The following RP1 variants were observed in gnomAD, a reference collection of about 807,000 sequenced individuals.
RP1 encodes RP1 axonemal microtubule associated.
Under a neutral mutation model 14.8 loss-of-function variants are expected in RP1, and 16 were observed. That is an observed-to-expected ratio of 1.08 (90% CI 0.73 to 1.65). RP1 has a LOEUF of 1.65. Ranked by LOEUF, RP1 falls within the 40% of genes most tolerant of loss-of-function variation. RP1 has a pLI of 0.00. For synonymous variants in RP1, 876 were observed against 883.6 expected (o/e 0.99, Z 0.15); for missense variants, 2,631 against 2,535.0 (o/e 1.04, Z -0.81).
chr8:54,699,998 T>C (rs1331177890), intron 13 of RP1, among the ~76,000 whole-genome samples: 1 of 152,220 alleles, frequency 6.6e-6, no homozygotes, highest in African/African-American at 2.4e-5. Flanking sequence ...TGCACTGTTT[T>C]AAGTGCTTAA....
chr8:54,772,441 T>C (rs1015032756), downstream of RP1, among the ~76,000 whole-genome samples: 2 of 152,208 alleles, frequency 1.3e-5, no homozygotes, highest in Non-Finnish European at 2.9e-5. Context: ...CCATATCATA[T>C]GTGAATAACG....
chr8:54,642,026 AT>A (rs1806462752), intron 3 of RP1, among the ~76,000 whole-genome samples: 1 of 152,174 alleles, frequency 6.6e-6, no homozygotes, highest in Admixed American at 6.5e-5. Flanking sequence ...GTGGTACTAA[AT>A]TTAGTGTACT....
intron 12 of RP1, among the ~76,000 whole-genome samples, chr8:54,681,312 A>G (rs1265259810): frequency 2.6e-5 from 4 of 152,100 alleles, no homozygotes. Flanking sequence ...TTCTCACATC[A>G]AGTACACCAG....
chr8:54,628,870 A>G lies in RP1; in HGVS notation c.4988A>G (p.Glu1663Gly). ...KSQVCPYNSV[E>G]FQCSRKASLY... ...CAGGTTTGTCCTTATAATTCTGTGG[A>G]ATTTCAGTGTTCCAGGAAAGCAAGT... is the stretch of plus-strand genomic sequence containing the variant. Residue 1663 changes from glutamate (E) to glycine (G), a missense_variant, in exon 4 of 4, where the codon GAA becomes GGA. Transcript: ENST00000220676. 1 of 1,614,070 alleles carries G rather than the reference A, an allele frequency of 6.2e-7. No homozygotes were observed. The highest frequency in any genetic ancestry group is 8.5e-7 in the Non-Finnish European group (1 of 1,179,984).
chr8:54,796,972 T>C (rs1810591304), intron 24 of RP1, among the ~76,000 whole-genome samples: 1 of 152,170 alleles, frequency 6.6e-6, no homozygotes, highest in Non-Finnish European at 1.5e-5. Flanking sequence ...TGATAGAATC[T>C]ATCATGGGGT....
intron 27 of RP1, among the ~76,000 whole-genome samples, chr8:54,861,164 CTG>C (rs1158765524): frequency 4.6e-5 from 7 of 152,202 alleles, no homozygotes; most frequent in African/African-American, 7.2e-5. Context: ...TCTTTTCAAA[CTG>C]TGTATTATTT....
rs987460443 is a variant in RP1 at position 54,580,452 on chromosome 8, G to A, written c.-13+21132G>A. 2.7e-4 allele frequency among the ~76,000 whole-genome samples: 34 copies of A among 124,836 alleles called. No individual in the cohort carries two copies. The East Asian group carries it at 7.8e-3, about 29-fold the overall frequency. The allele number at this position is 124,836 out of a possible 152,430, so 81.9% of individuals were successfully genotyped here. ...CTCCAGAGTAGCTGGGACTACAGGC[G>A]TGCGCCACCACGCCCAGCTAATTTT... On this transcript the variant is annotated intron_variant, in intron 1 of 22. Coordinates refer to the RP1 transcript ENST00000636932.
At chr8:54,656,358 C>G (rs1585584326) in intron 6 of RP1, 1 of 824,054 alleles carries the variant, frequency 1.2e-6, no homozygotes, top group East Asian at 3.0e-5. Context: ...GATGTGGCAG[C>G]TGCATCTAAA....
chr8:54,605,332 C>T (rs1432335746), intron 1 of RP1, among the ~76,000 whole-genome samples: 1 of 152,146 alleles, frequency 6.6e-6, no homozygotes, highest in African/African-American at 2.4e-5. Context: ...GTTCAATTTC[C>T]ATGTAGTTGA....
intron 27 of RP1, among the ~76,000 whole-genome samples, chr8:54,865,448 A>G (rs544051060): frequency 6.6e-6 from 1 of 151,418 alleles, no homozygotes; most frequent in African/African-American, 2.4e-5. Flanking sequence ...TAACTTCTAA[A>G]TTTTCACTAT....
At chr8:54,575,903 C>G (rs1292944623) in intron 1 of RP1, among the ~76,000 whole-genome samples, 1 of 152,190 alleles carries the variant, frequency 6.6e-6, no homozygotes, top group East Asian at 1.9e-4. Context: ...GAGTGTTGTT[C>G]TTTCTCACGT....
intron 12 of RP1, chr8:54,696,509 A>C (rs1807866521): frequency 1.2e-6 from 1 of 858,082 alleles, no homozygotes; most frequent in Non-Finnish European, 1.9e-6. Flanking sequence ...ACTTTTGGCA[A>C]AGAAGGAGCA....
intron 12 of RP1, among the ~76,000 whole-genome samples, chr8:54,681,403 C>T (rs1291589693): frequency 6.6e-6 from 1 of 151,818 alleles, no homozygotes; most frequent in Non-Finnish European, 1.5e-5. Context: ...TACCAGCACA[C>T]GTAGTCAGGT....
exon 17 of RP1, chr8:54,726,440 T>C: frequency 6.5e-7 from 1 of 1,534,492 alleles, no homozygotes; most frequent in Non-Finnish European, 8.7e-7. Context: ...ACCCCCAGAA[T>C]CTGAGGCTAG....
intron 18 of RP1, chr8:54,734,891 G>GT (rs1808882295): frequency 1.6e-6 from 1 of 606,658 alleles, no homozygotes; most frequent in African/African-American, 1.9e-5. Context: ...AATGCTTATT[G>GT]TAACAATCAA....
At chr8:54,696,995 CAGG>C in intron 12 of RP1, 2 of 1,406,544 alleles carry the variant, frequency 1.4e-6, no homozygotes, top group Non-Finnish European at 2.0e-6. Context: ...GAATCATTTC[CAGG>C]AGATCTCATG....
intron 1 of RP1, among the ~76,000 whole-genome samples, chr8:54,569,740 AACAAAAGGG>A (rs954103847): frequency 1.3e-5 from 2 of 152,232 alleles, no homozygotes; most frequent in Non-Finnish European, 2.9e-5. Flanking sequence ...TATGGCAGTG[AACAAAAGGG>A]ACACTATCCC....
chr8:54,656,287 T>C (rs543656361), intron 6 of RP1: 16 of 1,435,258 alleles, frequency 1.1e-5, no homozygotes, highest in Admixed American at 2.3e-5. Flanking sequence ...AGGGAACCAA[T>C]AAACACATGT....
chr8:54,831,770 T>TA (rs112319769), intron 24 of RP1, among the ~76,000 whole-genome samples: 38 of 151,990 alleles, frequency 2.5e-4, no homozygotes, highest in African/African-American at 9.1e-4. Flanking sequence ...GCTATACATT[T>TA]ACATGTCCAT....
Sources: allele counts gnomAD v4.1 joint callset (sites outside exome capture counted in the v4.1 genomes callset), GRCh38; gene constraint gnomAD v4.1.1; transcripts MANE v1.5; gene names NCBI Gene and HGNC (gene_info 2026-07-23, HGNC 2026-07-21).